The following SOD2 variants were observed in gnomAD, a reference collection of about 807,000 sequenced individuals.
SOD2 encodes superoxide dismutase 2, also known as superoxide dismutase [Mn], mitochondrial.
Under a neutral mutation model 27.0 loss-of-function variants are expected in SOD2, and 11 were observed. The observed-to-expected ratio is 0.41, with a 90% confidence interval of 0.26 to 0.67. SOD2 has a LOEUF of 0.67. Among genes scored for constraint, SOD2 ranks in the 30% least tolerant of loss-of-function variants. The pLI is 0.34. For synonymous variants in SOD2, 105 were observed against 103.0 expected, an observed-to-expected ratio of 1.02 and a Z score of -0.12; for missense variants, 250 against 274.5, an observed-to-expected ratio of 0.91 and a Z score of 0.63.
At chr6:159,734,154 A>G (rs1303312415) in intron 1 of SOD2, among the ~76,000 whole-genome samples, 3 of 152,128 alleles carry the variant, frequency 2.0e-5, no homozygotes, top group African/African-American at 7.2e-5. Flanking sequence ...GGGAGAAATC[A>G]AGTAGTCTTG....
chr6:159,755,424 G>A, intron 1 of SOD2: 2 of 1,614,090 alleles, frequency 1.2e-6, no homozygotes. Flanking sequence ...CTCAGTGCGG[G>A]GTATGAAAGT....
chr6:159,757,283 C>T (rs1205842315), intron 1 of SOD2, among the ~76,000 whole-genome samples: 3 of 152,106 alleles, frequency 2.0e-5, no homozygotes, highest in Admixed American at 1.3e-4. Flanking sequence ...TTATAATACT[C>T]GAAAACTGAG....
intron 1 of SOD2, among the ~76,000 whole-genome samples, chr6:159,732,484 A>G (rs965361907): frequency 7.2e-5 from 11 of 152,198 alleles, no homozygotes; most frequent in African/African-American, 1.7e-4. Context: ...ATACTGATAT[A>G]CCGGTTAAAT....
At chr6:159,762,226 G>A (rs1372785790) in exon 1 of SOD2, 1 of 1,479,874 alleles carries the variant, frequency 6.8e-7, no homozygotes, top group East Asian at 2.5e-5. Flanking sequence ...GTGTAGGAGA[G>A]GGGCGTATGT....
chr6:159,726,034 A>T (rs1778158956), intron 1 of SOD2: 1 of 152,250 alleles, frequency 6.6e-6, no homozygotes, highest in Non-Finnish European at 1.5e-5. Context: ...TAGCACTGCA[A>T]TAACCTTGTA....
exon 1 of SOD2, chr6:159,727,307 C>G (rs1391172812): frequency 1.6e-6 from 2 of 1,279,004 alleles, no homozygotes; most frequent in South Asian, 2.5e-5. Flanking sequence ...CGAGTGACTG[C>G]GGCCACGCCT....
exon 1 of SOD2, chr6:159,762,090 G>T (rs1322609049): frequency 3.1e-6 from 5 of 1,613,124 alleles, no homozygotes; most frequent in Non-Finnish European, 4.2e-6. Flanking sequence ...GAAGCAAGAT[G>T]AATGCAGGCT....
intron 1 of SOD2, chr6:159,720,510 G>T: frequency 6.5e-6 from 1 of 153,054 alleles, no homozygotes; most frequent in South Asian, 1.8e-4. Context: ...GTACCCATTG[G>T]ACAGTAGTGC....
At chr6:159,727,013 G>T in intron 1 of SOD2, 1 of 1,242,802 alleles carries the variant, frequency 8.0e-7, no homozygotes, top group Non-Finnish European at 1.0e-6. Flanking sequence ...TCCGCACGAG[G>T]CAGCCCCGCA....
At chr6:159,683,195 AC>A (rs1163327262) in intron 4 of SOD2, among the ~76,000 whole-genome samples, 1 of 152,204 alleles carries the variant, frequency 6.6e-6, no homozygotes, top group East Asian at 1.9e-4. Context: ...ATTTAAAAAA[AC>A]TTTTGGTCTG....
chr6:159,727,582 C>T (rs962161314), upstream of SOD2: 41 of 986,370 alleles, frequency 4.2e-5, no homozygotes, highest in Non-Finnish European at 4.8e-5. Flanking sequence ...ACTAGGAGCG[C>T]GGCGGGGCCG....
At chr6:159,732,629 G>A (rs2114877902) in intron 1 of SOD2, among the ~76,000 whole-genome samples, 1 of 152,274 alleles carries the variant, frequency 6.6e-6, no homozygotes, top group South Asian at 2.1e-4. Flanking sequence ...GAGGTGAGGA[G>A]TTCGAGACCA....
At chr6:159,733,833 T>C (rs1778738236) in intron 1 of SOD2, among the ~76,000 whole-genome samples, 1 of 152,120 alleles carries the variant, frequency 6.6e-6, no homozygotes, top group Admixed American at 6.5e-5. Context: ...GGAGAATTGC[T>C]TGAACCCAGG....
intron 1 of SOD2, among the ~76,000 whole-genome samples, chr6:159,710,270 CATATATAT>C (rs141490345): frequency 7.0e-6 from 1 of 143,478 alleles, no homozygotes; most frequent in East Asian, 2.0e-4. Context: ...AGTATAAATA[CATATATAT>C]ATATATATAT....
At chr6:159,703,143 C>T (rs558389144) in intron 1 of SOD2, among the ~76,000 whole-genome samples, 17 of 152,152 alleles carry the variant, frequency 1.1e-4, no homozygotes, top group African/African-American at 3.9e-4. Context: ...GGAGAGACCC[C>T]GTCTCTACAA....
chr6:159,739,200 A>C (rs1036905675), intron 1 of SOD2, among the ~76,000 whole-genome samples: 4 of 152,206 alleles, frequency 2.6e-5, no homozygotes, highest in African/African-American at 9.6e-5. Flanking sequence ...CCTATTTCTT[A>C]TATTAACACC....
upstream of SOD2, among the ~76,000 whole-genome samples, chr6:159,693,787 G>A (rs1378998642): frequency 2.0e-5 from 3 of 152,240 alleles, no homozygotes; most frequent in Non-Finnish European, 4.4e-5. Flanking sequence ...TGAGCTGAGG[G>A]TAGAGCCAGC....
At position 159,684,915 on chromosome 6, in the gene SOD2, C is replaced by T; in HGVS notation, c.462G>A (p.Lys154=). 1 of 1,613,608 alleles carries T rather than the reference C, an allele frequency of 6.2e-7. No individual in the cohort carries two copies. The highest frequency in any genetic ancestry group is 8.5e-7 in the Non-Finnish European group (1 of 1,179,752). The change falls in exon 4 of 5, where the codon AAG becomes AAA. Residue 154 remains lysine (K), a synonymous_variant. Transcript: ENST00000538183. ...CAGCAATTTGTAAGTGTCCCCGTTC[C>T]TTATTGAAACCAAGCCAACCCCAAC... The part of the protein sequence containing the change: ...GSGWGWLGFN[K]ERGHLQIAAC...
intron 1 of SOD2, chr6:159,760,149 G>A (rs1471381687): frequency 6.6e-6 from 1 of 152,188 alleles, no homozygotes; most frequent in Non-Finnish European, 1.5e-5. Flanking sequence ...GTGATGTTTA[G>A]GGGGAGTTTC....
Sources: gnomAD v4.1 joint callset for allele counts (sites outside exome capture counted in the v4.1 genomes callset) on GRCh38, gnomAD v4.1.1 for gene constraint, MANE v1.5 for transcripts, NCBI Gene and HGNC (gene_info 2026-07-23, HGNC 2026-07-21) for gene names.